The following SEMA5A variants were observed in gnomAD, a reference collection of about 807,000 sequenced individuals.
SEMA5A encodes semaphorin-5A.
SEMA5A carries 55 observed loss-of-function variants against 135.5 expected under a neutral mutation model. That is an observed-to-expected ratio of 0.41 (90% CI 0.33 to 0.51). SEMA5A has a LOEUF of 0.51. Among genes scored for constraint, SEMA5A ranks in the 20% least tolerant of loss-of-function variants. SEMA5A has a pLI of 0.37. For missense variants in SEMA5A, 1,290 were observed against 1,419.9 expected, an observed-to-expected ratio of 0.91 and a Z score of 1.47; for synonymous variants, 580 against 546.5, an observed-to-expected ratio of 1.06 and a Z score of -0.85.
At chr5:9,080,932 G>T (rs1016059511) in intron 16 of SEMA5A, among the ~76,000 whole-genome samples, 1 of 152,204 alleles carries the variant, frequency 6.6e-6, no homozygotes, top group African/African-American at 2.4e-5. Context: ...CTCTTGGAGT[G>T]TTGGTGGGTC....
intron 15 of SEMA5A, among the ~76,000 whole-genome samples, chr5:9,118,737 C>T (rs539611567): frequency 2.3e-4 from 35 of 152,288 alleles, no homozygotes; most frequent in Non-Finnish European, 4.1e-4. Context: ...CACAGAGGTT[C>T]CTGGGTACTC....
intron 8 of SEMA5A, among the ~76,000 whole-genome samples, chr5:9,216,929 C>G (rs1746662031): frequency 1.3e-5 from 2 of 152,190 alleles, no homozygotes; most frequent in Admixed American, 1.3e-4. Flanking sequence ...TTGCCTCTTT[C>G]TCCACCTTGC....
At chr5:9,331,397 T>C (rs142682881) in intron 4 of SEMA5A, among the ~76,000 whole-genome samples, 2 of 152,326 alleles carry the variant, frequency 1.3e-5, no homozygotes, top group East Asian at 3.9e-4. Flanking sequence ...GAATATATGC[T>C]ATGTTAAAAT....
Position 9,054,271 on chromosome 5 carries a change from C to T in SEMA5A, c.2519-14G>A, listed in dbSNP as rs781176313. 3.7e-6 allele frequency: 6 copies of T among 1,608,712 alleles called. No homozygotes were observed. The East Asian group carries it at 1.3e-4, about 36-fold the overall frequency. ...ACACGCCATCCACTGTGAAGAAACACAATGTCACAGCTCTTCTATAATCCA... is the reference window on the plus strand; with the variant it reads ...ACACGCCATCCACTGTGAAGAAACATAATGTCACAGCTCTTCTATAATCCA... On this transcript the variant is annotated splice_polypyrimidine_tract_variant and intron_variant, in intron 18 of 22. Transcript: ENST00000382496.
At chr5:9,418,223 G>A (rs1170130273) in intron 2 of SEMA5A, among the ~76,000 whole-genome samples, 8 of 151,946 alleles carry the variant, frequency 5.3e-5, no homozygotes, top group East Asian at 1.9e-4. Context: ...TGATCCACCC[G>A]CCTTGGCCTC....
intron 4 of SEMA5A, among the ~76,000 whole-genome samples, chr5:9,330,572 G>A (rs1350021136): frequency 1.3e-5 from 2 of 152,146 alleles, no homozygotes; most frequent in South Asian, 4.1e-4. Context: ...AGCTGGGAGG[G>A]GCATCTTAAT....
intron 2 of SEMA5A, among the ~76,000 whole-genome samples, chr5:9,382,539 G>A (rs1426825596): frequency 3.9e-5 from 6 of 152,108 alleles, no homozygotes; most frequent in South Asian, 2.1e-4. Flanking sequence ...CAAACAAATG[G>A]GGAGGAAGGA....
intron 1 of SEMA5A, among the ~76,000 whole-genome samples, chr5:9,521,139 G>A (rs1736802745): frequency 6.6e-6 from 1 of 152,222 alleles, no homozygotes; most frequent in East Asian, 1.9e-4. Flanking sequence ...GCTAGGCCTG[G>A]TGGCTCACAC....
chr5:9,521,849 G>A (rs1024355587), intron 1 of SEMA5A, among the ~76,000 whole-genome samples: 8 of 152,120 alleles, frequency 5.3e-5, no homozygotes, highest in Non-Finnish European at 1.0e-4. Flanking sequence ...CTGACTCCAA[G>A]GAGGTGACCT....
intron 1 of SEMA5A, among the ~76,000 whole-genome samples, chr5:9,467,643 T>C (rs1260883911): frequency 1.3e-5 from 2 of 152,120 alleles, no homozygotes; most frequent in Non-Finnish European, 2.9e-5. Flanking sequence ...GCTTTCCAAC[T>C]GGACAGAATC....
At chr5:9,450,826 AG>A (rs568966447) in intron 1 of SEMA5A, among the ~76,000 whole-genome samples, 180 of 152,222 alleles carry the variant, frequency 1.2e-3, no homozygotes, top group African/African-American at 4.1e-3. Context: ...TGTCCTTAGC[AG>A]CATTCTGTGC....
chr5:9,390,327 C>A (rs527768084), intron 2 of SEMA5A, among the ~76,000 whole-genome samples: 1 of 152,166 alleles, frequency 6.6e-6, no homozygotes, highest in Admixed American at 6.5e-5. Context: ...AATGTATGAA[C>A]CCTGAGGGGG....
intron 8 of SEMA5A, among the ~76,000 whole-genome samples, chr5:9,224,450 C>T (rs1179538043): frequency 6.6e-6 from 1 of 151,972 alleles, no homozygotes; most frequent in Non-Finnish European, 1.5e-5. Context: ...TCAACATTAG[C>T]CATATTATCA....
In SEMA5A at chr5:9,201,091, A is replaced by C. The variant is rs1806107; in HGVS notation, c.932+864T>G. Among the ~76,000 whole-genome samples, 56 of 152,352 alleles carry C rather than the reference A, an allele frequency of 3.7e-4. No homozygotes were observed. In the East Asian group the frequency reaches 8.9e-3, roughly 24 times the overall value. On this transcript the variant is annotated intron_variant, in intron 9 of 22. Transcript: ENST00000382496. ...TGCTTAAAGTCTTAAGTCACAAGAC[A>C]AGAGATTTCAAAGGTGATCCAAATC...
At chr5:9,177,116 A>G (rs376832477) in intron 11 of SEMA5A, among the ~76,000 whole-genome samples, 1 of 152,210 alleles carries the variant, frequency 6.6e-6, no homozygotes, top group African/African-American at 2.4e-5. Flanking sequence ...TCCCATAAAC[A>G]GACTCAGAGG....
At chr5:9,353,807 A>C (rs1483816093) in intron 3 of SEMA5A, among the ~76,000 whole-genome samples, 1 of 152,122 alleles carries the variant, frequency 6.6e-6, no homozygotes, top group East Asian at 1.9e-4. Flanking sequence ...TGAGGGAAAA[A>C]ATAAAATAAA....
At position 9,534,483 on chromosome 5, in the gene SEMA5A, T is replaced by C. The variant is rs188115707; in HGVS notation, c.-175+11101A>G. ...TAAAAGGACTCTTGATTACAGATCA[T>C]TGGGTGTGATCTTGTAGCCAGGACT... On this transcript the variant is annotated intron_variant, in intron 1 of 22. Transcript: ENST00000382496. 2.6e-4 allele frequency among the ~76,000 whole-genome samples: 39 copies of C among 152,276 alleles called. 2 individuals carry two copies. Among genetic ancestry groups the C allele is most frequent in the East Asian group, 3.9e-4 (2 of 5,170 alleles).
chr5:9,050,385 C>A (rs1442141111), intron 21 of SEMA5A, 25 bp downstream of exon 21: 2 of 1,595,900 alleles, frequency 1.3e-6, no homozygotes, highest in Non-Finnish European at 1.7e-6. Context: ...ACATCCATTA[C>A]AACTACTTAA....
chr5:9,384,533 TAGA>T (rs2126498674), intron 2 of SEMA5A, among the ~76,000 whole-genome samples: 1 of 105,232 alleles, frequency 9.5e-6, no homozygotes, highest in East Asian at 2.7e-4. Flanking sequence ...CTGCTATAGA[TAGA>T]TAGATAGATA....
Sources: gnomAD v4.1 joint callset for allele counts (sites outside exome capture counted in the v4.1 genomes callset) on GRCh38, gnomAD v4.1.1 for gene constraint, MANE v1.5 for transcripts, NCBI Gene and HGNC (gene_info 2026-07-23, HGNC 2026-07-21) for gene names.